The following KAT6B variants were observed in gnomAD, a reference collection of about 807,000 sequenced individuals.
The protein encoded by KAT6B is histone acetyltransferase KAT6B.
A neutral mutation model predicts 187.5 loss-of-function variants in KAT6B; 10 were observed. That is an observed-to-expected ratio of 0.05 (90% CI 0.03 to 0.09). The LOEUF (loss-of-function observed/expected upper bound fraction) is 0.09, where lower values mean the gene tolerates loss of function less well. Ranked by LOEUF, KAT6B falls within the 10% of genes least tolerant of loss-of-function variation. The pLI is 1.00. For missense variants in KAT6B, 1,952 were observed against 2,558.9 expected (o/e 0.76, Z 5.12); for synonymous variants, 861 against 926.8 (o/e 0.93, Z 1.29).
At chr10:74,864,235 A>C (rs1210043810) in intron 3 of KAT6B, among the ~76,000 whole-genome samples, 4 of 151,686 alleles carry the variant, frequency 2.6e-5, no homozygotes, top group Non-Finnish European at 4.4e-5. Context: ...TGCCCAGCTA[A>C]TTTTTGTATT....
At chr10:74,933,418 G>A (rs1265445241) in intron 3 of KAT6B, among the ~76,000 whole-genome samples, 5 of 152,206 alleles carry the variant, frequency 3.3e-5, no homozygotes, top group Non-Finnish European at 2.9e-5. Context: ...TGGGTTTTGA[G>A]TTTGAGTAGA....
At chr10:74,901,141 A>T (rs988488411) in intron 3 of KAT6B, among the ~76,000 whole-genome samples, 2 of 152,200 alleles carry the variant, frequency 1.3e-5, no homozygotes, top group African/African-American at 4.8e-5. Context: ...TCCATTTTAT[A>T]AAATAATTAC....
chr10:74,853,300 C>CT (rs1842604621), intron 3 of KAT6B, among the ~76,000 whole-genome samples: 2 of 143,202 alleles, frequency 1.4e-5, no homozygotes, highest in Admixed American at 7.0e-5. Context: ...TTTTTTTTTT[C>CT]TTTTTTTTGA....
chr10:74,872,832 T>A (rs904820133), intron 3 of KAT6B, among the ~76,000 whole-genome samples: 1 of 152,040 alleles, frequency 6.6e-6, no homozygotes, highest in African/African-American at 2.4e-5. Context: ...TGTTTTAAAG[T>A]CATCGAGAGA....
chr10:74,910,674 A>T, intron 3 of KAT6B, among the ~76,000 whole-genome samples: 1 of 148,684 alleles, frequency 6.7e-6, no homozygotes, highest in African/African-American at 2.5e-5. Context: ...ACTCTCCCTG[A>T]TTTTTCAAAC....
chr10:74,965,357 A>T (rs375132407), intron 4 of KAT6B, among the ~76,000 whole-genome samples: 3 of 152,008 alleles, frequency 2.0e-5, no homozygotes, highest in East Asian at 3.9e-4. Context: ...TCCCTAAGCC[A>T]CCCCATTGTA....
At chr10:74,977,869 C>T (rs1376161049) in intron 9 of KAT6B, among the ~76,000 whole-genome samples, 2 of 152,320 alleles carry the variant, frequency 1.3e-5, no homozygotes, top group South Asian at 2.1e-4. Flanking sequence ...AGCTCTTCTG[C>T]ATTGATGAAA....
At position 75,030,431 on chromosome 10, in the gene KAT6B, T is replaced by C; in HGVS notation, c.5607T>C (p.Pro1869=). The C allele has an allele frequency of 6.2e-7, 1 of 1,614,216 alleles. No individual in the cohort carries two copies. Among genetic ancestry groups the C allele is most frequent in the Non-Finnish European group, 8.5e-7 (1 of 1,180,026 alleles). Residue 1869 remains proline (P), a synonymous_variant, in exon 18 of 18, where the codon CCT becomes CCC. Coordinates refer to ENST00000287239, the MANE Select transcript of KAT6B (RefSeq NM_012330.4). The surrounding 1 kb of genome is among the most constrained non-coding windows in gnomAD (Gnocchi z 4.8). ...TTTCTCAGTCTCCACACTCCGTCCCTGGGGGACCCCAAGCACAAGCTACCA... is the reference window on the plus strand; with the variant it reads ...TTTCTCAGTCTCCACACTCCGTCCCCGGGGGACCCCAAGCACAAGCTACCA... ...VQLSQSPHSV[P]GGPQAQATMT...
intron 3 of KAT6B, among the ~76,000 whole-genome samples, chr10:74,908,766 C>T (rs1250758602): frequency 3.3e-5 from 5 of 152,110 alleles, no homozygotes; most frequent in South Asian, 2.1e-4. Flanking sequence ...AGATAACCTC[C>T]TGTCAGTTAA....
intron 3 of KAT6B, among the ~76,000 whole-genome samples, chr10:74,857,159 C>T (rs990717090): frequency 2.0e-5 from 3 of 152,194 alleles, no homozygotes; most frequent in Non-Finnish European, 4.4e-5. Flanking sequence ...TCTATTGCTG[C>T]TGTAACAAAT....
intron 13 of KAT6B, among the ~76,000 whole-genome samples, chr10:75,017,411 C>T (rs527391677): frequency 5.9e-5 from 9 of 152,140 alleles, no homozygotes; most frequent in African/African-American, 9.6e-5. Flanking sequence ...GTCAGGAGTT[C>T]GAGACCAGCC....
At chr10:74,905,713 G>C (rs1846709567) in intron 3 of KAT6B, among the ~76,000 whole-genome samples, 1 of 152,236 alleles carries the variant, frequency 6.6e-6, no homozygotes, top group African/African-American at 2.4e-5. Context: ...GATGGGAGCT[G>C]TCAGCCCCAG....
intron 13 of KAT6B, among the ~76,000 whole-genome samples, chr10:75,007,788 T>C (rs1308524276): frequency 2.0e-5 from 3 of 152,214 alleles, no homozygotes; most frequent in Non-Finnish European, 4.4e-5. Context: ...CTATGGTATC[T>C]TAGTGCTTGG....
Position 75,030,180 on chromosome 10 carries a change from G to A in KAT6B, c.5356G>A (p.Glu1786Lys), listed in dbSNP as rs906740657. The A allele has an allele frequency of 3.3e-5, 54 of 1,614,090 alleles. No individual in the cohort carries two copies. Among genetic ancestry groups the A allele is most frequent in the African/African-American group, 8.0e-5 (6 of 74,936 alleles). Residue 1786 changes from glutamate to lysine, a missense_variant, in exon 18 of 18, where the codon GAG becomes AAG. Physicochemically the swap from Glu to Lys is moderately conservative, Grantham distance 56. This residue lies in a region of KAT6B where 358 missense variants were observed against 436.3 expected (regional missense o/e 0.82). Coordinates refer to ENST00000287239, the MANE Select transcript of KAT6B (RefSeq NM_012330.4). The surrounding 1 kb of genome is among the most constrained non-coding windows in gnomAD (Gnocchi z 4.8). Reference sequence around the variant, plus strand: ...ACCCATGCAGCTGGCTGAAATCCCCGAGACGAGCAACGCCAACATTGGCTT... The same window carrying A: ...ACCCATGCAGCTGGCTGAAATCCCCAAGACGAGCAACGCCAACATTGGCTT... ...TPPMQLAEIP[E>K]TSNANIGLYE...
At chr10:74,950,879 G>A (rs1840268060) in intron 3 of KAT6B, among the ~76,000 whole-genome samples, 2 of 152,028 alleles carry the variant, frequency 1.3e-5, no homozygotes, top group African/African-American at 4.8e-5. Flanking sequence ...AGCACCAGCC[G>A]AGGCAGGTGG....
At chr10:74,961,371 C>G (rs1318863933) in intron 4 of KAT6B, among the ~76,000 whole-genome samples, 1 of 152,142 alleles carries the variant, frequency 6.6e-6, no homozygotes, top group Non-Finnish European at 1.5e-5. Context: ...TAGTGGTGTT[C>G]ACTTGTCTAG....
At position 75,030,785 on chromosome 10, in the gene KAT6B, C is replaced by T; in HGVS notation, c.5961C>T (p.Asn1987=). The change falls in exon 18 of 18, where the codon AAC becomes AAT. Residue 1987 remains asparagine, a synonymous_variant. Transcript: ENST00000287239. The surrounding 1 kb of genome is among the most constrained non-coding windows in gnomAD (Gnocchi z 4.8). ...TCAACTCTGTGAACATGAACATGAA[C>T]ACTCTCAACGCCATGAATGGGTACA... ...YNVNSVNMNM[N]TLNAMNGYSM... The T allele has an allele frequency of 1.9e-6, 3 of 1,614,224 alleles. No homozygotes were observed. Among genetic ancestry groups the T allele is most frequent in the Non-Finnish European group, 2.5e-6 (3 of 1,180,040 alleles).
In KAT6B at chr10:74,953,108, T is replaced by C. The variant is rs12571012; in HGVS notation, c.622-6862T>C. Among the ~76,000 whole-genome samples the C allele has an allele frequency of 6.0e-4, 92 of 152,160 alleles. 1 individual carries two copies. In the East Asian group the frequency reaches 0.017, roughly 28 times the overall value. On this transcript the variant is annotated intron_variant, in intron 3 of 17. Transcript: ENST00000287239. ...TCTTTTCATTTAGTTTGAGTTTTCCTTTTATTAAATAGTTGCAGGCCTTTT... is the reference window on the plus strand; with the variant it reads ...TCTTTTCATTTAGTTTGAGTTTTCCCTTTATTAAATAGTTGCAGGCCTTTT...
intron 12 of KAT6B, among the ~76,000 whole-genome samples, chr10:74,988,530 C>T (rs1353173547): frequency 2.0e-5 from 3 of 152,224 alleles, no homozygotes; most frequent in Non-Finnish European, 4.4e-5. Context: ...GTGTGCACAT[C>T]TACCCACACA....
Sources: gnomAD v4.1 joint callset for allele counts (sites outside exome capture counted in the v4.1 genomes callset) on GRCh38, gnomAD v4.1.1 for gene constraint, gnomAD v4.1.1 regional missense constraint, Gnocchi (gnomAD v3.1) non-coding constraint, MANE v1.5 for transcripts, NCBI Gene and HGNC (gene_info 2026-07-23, HGNC 2026-07-21) for gene names.